Variants in STPG2 observed in about 807,000 individuals in gnomAD.
The protein encoded by STPG2 is sperm tail PG-rich repeat containing 2, also known as sperm-tail PG-rich repeat-containing protein 2.
STPG2 carries 56 observed loss-of-function variants against 54.2 expected under a neutral mutation model. That is an observed-to-expected ratio of 1.03 (90% CI 0.83 to 1.29). The LOEUF (loss-of-function observed/expected upper bound fraction) is 1.29. Ranked by LOEUF, STPG2 falls within the 50% of genes most tolerant of loss-of-function variation. STPG2 has a pLI of 0.00. For missense variants in STPG2, 596 were observed against 544.9 expected, an observed-to-expected ratio of 1.09 and a Z score of -0.93; for synonymous variants, 200 against 181.8, an observed-to-expected ratio of 1.10 and a Z score of -0.81.
intron 5 of STPG2, among the ~76,000 whole-genome samples, chr4:98,050,498 C>T (rs1737284349): frequency 6.6e-6 from 1 of 152,046 alleles, no homozygotes; most frequent in African/African-American, 2.4e-5. Context: ...CTTGCTTATA[C>T]TGGCCAGGCT....
chr4:98,101,273 G>A (rs777334487), intron 5 of STPG2, among the ~76,000 whole-genome samples: 4 of 152,098 alleles, frequency 2.6e-5, no homozygotes, highest in Non-Finnish European at 4.4e-5. Flanking sequence ...AAAAGTTAGG[G>A]ATCAAGCATG....
chr4:98,038,920 A>G (rs1736857305), intron 5 of STPG2, among the ~76,000 whole-genome samples: 1 of 152,014 alleles, frequency 6.6e-6, no homozygotes, highest in Non-Finnish European at 1.5e-5. Flanking sequence ...CAACTTACAT[A>G]GTAAAAAGAG....
chr4:97,580,449 A>T (rs1732834365), intron 10 of STPG2, among the ~76,000 whole-genome samples: 1 of 151,948 alleles, frequency 6.6e-6, no homozygotes, highest in South Asian at 2.1e-4. Context: ...TATTTACTTG[A>T]TTGTTTAAGA....
intron 9 of STPG2, among the ~76,000 whole-genome samples, chr4:97,808,536 A>C (rs1400091618): frequency 6.6e-6 from 1 of 151,794 alleles, no homozygotes; most frequent in Non-Finnish European, 1.5e-5. Context: ...TCATAAAGGC[A>C]ATAAAAACGC....
intron 5 of STPG2, among the ~76,000 whole-genome samples, chr4:98,084,019 G>A (rs982838418): frequency 2.0e-5 from 3 of 151,898 alleles, no homozygotes; most frequent in African/African-American, 7.3e-5. Flanking sequence ...CCACCCAGCT[G>A]TTTTGTTGTT....
rs7673603 is a variant in STPG2, at chr4:97,510,488, C to T, written c.462+202211G>A. Reference sequence around the variant, plus strand: ...TTGATTCATTCACATGTACACTTTACCTTCTATACATCACAGATATAATGC... The same window carrying T: ...TTGATTCATTCACATGTACACTTTATCTTCTATACATCACAGATATAATGC... On this transcript the variant is annotated intron_variant, in intron 4 of 4. Transcript: ENST00000522676. Among the ~76,000 whole-genome samples the T allele has an allele frequency of 5.9e-3, 901 of 152,168 alleles. 4 individuals carry two copies. Among genetic ancestry groups the T allele is most frequent in the African/African-American group, 0.021 (864 of 41,520 alleles).
chr4:97,956,201 G>A (rs765014924), intron 7 of STPG2, among the ~76,000 whole-genome samples: 1 of 152,108 alleles, frequency 6.6e-6, no homozygotes. Flanking sequence ...TATTGAGAAA[G>A]TGGTAAAGGT....
intron 10 of STPG2, among the ~76,000 whole-genome samples, chr4:97,569,713 C>A (rs370239099): frequency 3.3e-5 from 5 of 151,886 alleles, no homozygotes; most frequent in African/African-American, 1.2e-4. Context: ...TATTTGATAA[C>A]CATTATATTA....
intron 10 of STPG2, among the ~76,000 whole-genome samples, chr4:97,685,889 C>T (rs1215687059): frequency 6.6e-6 from 1 of 152,136 alleles, no homozygotes; most frequent in Non-Finnish European, 1.5e-5. Flanking sequence ...AGCAGTCTGA[C>T]TAATACAGTG....
intron 7 of STPG2, among the ~76,000 whole-genome samples, chr4:97,968,721 T>A (rs1243648287): frequency 6.6e-6 from 1 of 152,186 alleles, no homozygotes; most frequent in Non-Finnish European, 1.5e-5. Flanking sequence ...AAAAGGCCTT[T>A]GACAAAATTC....
intron 5 of STPG2, among the ~76,000 whole-genome samples, chr4:97,999,722 C>A (rs370008097): frequency 5.3e-5 from 8 of 152,112 alleles, no homozygotes; most frequent in Middle Eastern, 3.4e-3. Flanking sequence ...GAAACCAGGG[C>A]AAGGTTGGGA....
At chr4:97,578,303 T>C (rs1025223367) in intron 10 of STPG2, among the ~76,000 whole-genome samples, 1 of 152,046 alleles carries the variant, frequency 6.6e-6, no homozygotes, top group Non-Finnish European at 1.5e-5. Flanking sequence ...ATGGGGTTTC[T>C]AGTGAGTGAA....
intron 7 of STPG2, among the ~76,000 whole-genome samples, chr4:97,962,189 A>T (rs1733913150): frequency 1.3e-5 from 2 of 152,148 alleles, no homozygotes; most frequent in Non-Finnish European, 2.9e-5. Context: ...TGACACAATG[A>T]ACTTTGAAGA....
intron 8 of STPG2, among the ~76,000 whole-genome samples, chr4:97,925,746 A>C (rs1300115284): frequency 2.0e-5 from 3 of 152,200 alleles, no homozygotes; most frequent in Non-Finnish European, 2.9e-5. Flanking sequence ...ATGTGTTTTT[A>C]CTATCTTCAG....
At chr4:98,138,985 G>T (rs1438445036) in intron 1 of STPG2, among the ~76,000 whole-genome samples, 1 of 152,092 alleles carries the variant, frequency 6.6e-6, no homozygotes, top group Non-Finnish European at 1.5e-5. Context: ...AGTAAAAGGA[G>T]TATGTTTTTA....
intron 9 of STPG2, among the ~76,000 whole-genome samples, chr4:97,774,964 C>T (rs1726330258): frequency 6.6e-6 from 1 of 152,132 alleles, no homozygotes; most frequent in East Asian, 1.9e-4. Flanking sequence ...CAGTGATGTC[C>T]AAACACAGGC....
At chr4:97,999,685 T>C (rs751814531) in intron 5 of STPG2, among the ~76,000 whole-genome samples, 5 of 150,820 alleles carry the variant, frequency 3.3e-5, no homozygotes, top group Non-Finnish European at 5.9e-5. Context: ...AGTGACGGAG[T>C]GAGACTCTGT....
chr4:97,708,735 A>C (rs1269480957), intron 10 of STPG2, among the ~76,000 whole-genome samples: 1 of 151,766 alleles, frequency 6.6e-6, no homozygotes, highest in Non-Finnish European at 1.5e-5. Context: ...TGAAAATATA[A>C]TTAAATTACA....
chr4:98,055,476 G>A lies in STPG2; in HGVS notation c.612+50477C>T, dbSNP rs528267227. ...AGAGCACCAGACTCATTTTTGAACC[G>A]CAACAGCACTGAGGGAATGGGTGAG... On this transcript the variant is annotated intron_variant, in intron 5 of 10. Transcript: ENST00000295268. Among the ~76,000 whole-genome samples, 12 of 152,226 alleles carry A rather than the reference G, an allele frequency of 7.9e-5. No homozygotes were observed. The East Asian group carries it at 9.7e-4, about 12-fold the overall frequency.
Sources: gnomAD v4.1 joint callset for allele counts (sites outside exome capture counted in the v4.1 genomes callset) on GRCh38, gnomAD v4.1.1 for gene constraint, MANE v1.5 for transcripts, NCBI Gene and HGNC (gene_info 2026-07-23, HGNC 2026-07-21) for gene names.